Variants in NRG1 observed in about 807,000 individuals in gnomAD.
NRG1 encodes neuregulin 1.
In NRG1, 18 loss-of-function variants were observed where a neutral mutation model predicts 63.8. That is an observed-to-expected ratio of 0.28 (90% CI 0.19 to 0.42). The LOEUF is 0.42. Ranked by LOEUF, NRG1 falls within the 10% of genes least tolerant of loss-of-function variation. NRG1 has a pLI of 1.00. For synonymous variants in NRG1, 302 were observed against 301.3 expected, an observed-to-expected ratio of 1.00 and a Z score of -0.02; for missense variants, 762 against 814.7, an observed-to-expected ratio of 0.94 and a Z score of 0.79.
chr8:32,402,940 A>G (rs746041813), intron 1 of NRG1, among the ~76,000 whole-genome samples: 1 of 151,352 alleles, frequency 6.6e-6, no homozygotes, highest in Non-Finnish European at 1.5e-5. Context: ...GTATCCTTAC[A>G]TCACTTACAT....
chr8:31,959,602 A>G (rs962597643), intron 1 of NRG1, among the ~76,000 whole-genome samples: 6 of 152,102 alleles, frequency 3.9e-5, no homozygotes, highest in African/African-American at 7.2e-5. Context: ...AGTTGAAATA[A>G]TTCTAGCTCA....
At chr8:32,405,339 C>T (rs1813811293) in intron 1 of NRG1, among the ~76,000 whole-genome samples, 1 of 152,148 alleles carries the variant, frequency 6.6e-6, no homozygotes, top group African/African-American at 2.4e-5. Flanking sequence ...ATTTATTCTC[C>T]TACTCCCATT....
At chr8:32,565,486 A>G (rs1470928869) in intron 1 of NRG1, among the ~76,000 whole-genome samples, 1 of 151,644 alleles carries the variant, frequency 6.6e-6, no homozygotes, top group Non-Finnish European at 1.5e-5. Context: ...TACTTCCCTC[A>G]CGTTTCCCAT....
intron 1 of NRG1, among the ~76,000 whole-genome samples, chr8:31,705,278 C>A (rs1811041378): frequency 6.6e-6 from 1 of 152,066 alleles, no homozygotes; most frequent in South Asian, 2.1e-4. Context: ...CATCTCCTGA[C>A]CTTGTGATCC....
intron 1 of NRG1, among the ~76,000 whole-genome samples, chr8:31,978,123 T>C (rs1312572977): frequency 6.6e-6 from 1 of 152,098 alleles, no homozygotes; most frequent in East Asian, 1.9e-4. Context: ...TGTATTCATA[T>C]TCAGTTTGAG....
intron 1 of NRG1, among the ~76,000 whole-genome samples, chr8:32,133,111 A>G (rs377447034): frequency 1.3e-5 from 2 of 151,948 alleles, no homozygotes; most frequent in East Asian, 1.9e-4. Context: ...ATTTCAGAAC[A>G]CCTGTCAAAT....
intron 1 of NRG1, among the ~76,000 whole-genome samples, chr8:32,047,705 C>T (rs971408490): frequency 6.6e-6 from 1 of 151,752 alleles, no homozygotes; most frequent in Middle Eastern, 3.2e-3. Flanking sequence ...AATATATATA[C>T]ATTATGAAAT....
intron 1 of NRG1, among the ~76,000 whole-genome samples, chr8:32,445,416 A>ACTATC (rs1250360976): frequency 6.6e-6 from 1 of 152,162 alleles, no homozygotes; most frequent in Non-Finnish European, 1.5e-5. Context: ...TGGTAAGCAC[A>ACTATC]CTATCTGTCC....
At chr8:31,779,945 G>A (rs1265819109) in intron 1 of NRG1, among the ~76,000 whole-genome samples, 16 of 152,170 alleles carry the variant, frequency 1.1e-4, no homozygotes, top group Admixed American at 1.0e-3. Flanking sequence ...ATACTTATTT[G>A]GAGAGGATTA....
chr8:32,022,675 C>T (rs952552444), intron 1 of NRG1, among the ~76,000 whole-genome samples: 1 of 152,114 alleles, frequency 6.6e-6, no homozygotes, highest in Non-Finnish European at 1.5e-5. Context: ...CGTATACAAT[C>T]AACTGGACCT....
At chr8:31,823,078 G>A (rs1157039366) in intron 1 of NRG1, among the ~76,000 whole-genome samples, 1 of 149,844 alleles carries the variant, frequency 6.7e-6, no homozygotes, top group African/African-American at 2.5e-5. Context: ...GTGTGTGTGT[G>A]GTAGTTTGGT....
intron 5 of NRG1, among the ~76,000 whole-genome samples, chr8:32,719,102 C>T (rs1819990783): frequency 6.6e-6 from 1 of 152,042 alleles, no homozygotes; most frequent in South Asian, 2.1e-4. Flanking sequence ...GAAATCTCCC[C>T]TAGAGTTTCA....
intron 1 of NRG1, among the ~76,000 whole-genome samples, chr8:32,058,127 A>T (rs76695008): frequency 0.067 from 10,148 of 152,146 alleles, 1,101 homozygotes; most frequent in African/African-American, 0.23. Flanking sequence ...ACAACTATTA[A>T]GTATCAATTT....
chr8:31,854,231 C>T (rs1827587165), intron 1 of NRG1, among the ~76,000 whole-genome samples: 1 of 151,764 alleles, frequency 6.6e-6, no homozygotes, highest in African/African-American at 2.4e-5. Flanking sequence ...GGCTGTGAAT[C>T]CATCTGGTCC....
chr8:31,655,560 A>G (rs1805350864), intron 1 of NRG1, among the ~76,000 whole-genome samples: 3 of 152,352 alleles, frequency 2.0e-5, no homozygotes, highest in Admixed American at 2.0e-4. Flanking sequence ...TCTGAGAAGT[A>G]AGGAACAATC....
At chr8:32,004,955 T>C (rs551288351) in intron 1 of NRG1, among the ~76,000 whole-genome samples, 5 of 149,964 alleles carry the variant, frequency 3.3e-5, no homozygotes, top group Middle Eastern at 3.4e-3. Context: ...TAAGGAAAAA[T>C]AGGATTTGAG....
intron 5 of NRG1, among the ~76,000 whole-genome samples, chr8:32,682,629 A>C (rs1469321926): frequency 6.6e-6 from 1 of 152,184 alleles, no homozygotes; most frequent in South Asian, 2.1e-4. Context: ...TGTCATGGGC[A>C]AGGCCGCAGG....
intron 1 of NRG1, among the ~76,000 whole-genome samples, chr8:32,394,250 C>G (rs1489077100): frequency 6.6e-6 from 1 of 152,164 alleles, no homozygotes; most frequent in Non-Finnish European, 1.5e-5. Context: ...ATACCATGCC[C>G]CCATCTCCAT....
intron 5 of NRG1, among the ~76,000 whole-genome samples, chr8:32,623,849 T>C (rs1169635978): frequency 6.6e-6 from 1 of 152,192 alleles, no homozygotes; most frequent in Non-Finnish European, 1.5e-5. Context: ...ATTCCACCAG[T>C]GGAGGAGAGA....
Sources: gnomAD v4.1 joint callset for allele counts (sites outside exome capture counted in the v4.1 genomes callset) on GRCh38, gnomAD v4.1.1 for gene constraint, MANE v1.5 for transcripts, NCBI Gene and HGNC (gene_info 2026-07-23, HGNC 2026-07-21) for gene names.